The following UTRN variants were observed in gnomAD, a reference collection of about 807,000 sequenced individuals.
UTRN encodes the protein dystrophin-related protein 1.
In UTRN, 283 loss-of-function variants were observed where a neutral mutation model predicts 463.9. The observed-to-expected ratio is 0.61, with a 90% CI of 0.55 to 0.67. The LOEUF (loss-of-function observed/expected upper bound fraction) is 0.67. Ranked by LOEUF, UTRN falls within the 30% of genes least tolerant of loss-of-function variation. UTRN has a pLI of 0.00. For missense variants in UTRN, 3,922 were observed against 4,084.3 expected (o/e 0.96, Z 1.08); for synonymous variants, 1,442 against 1,431.5 (o/e 1.01, Z -0.17).
chr6:144,335,119 AT>A (rs1187457260), intron 2 of UTRN, among the ~76,000 whole-genome samples: 2 of 152,182 alleles, frequency 1.3e-5, no homozygotes, highest in Non-Finnish European at 2.9e-5. Flanking sequence ...GCCATGTTTA[AT>A]TTATTTATAC....
chr6:144,626,656 T>G (rs1480727196), intron 51 of UTRN, among the ~76,000 whole-genome samples: 2 of 152,192 alleles, frequency 1.3e-5, no homozygotes, highest in Non-Finnish European at 2.9e-5. Context: ...TTTTTTCTTT[T>G]GAGACGGAGT....
At chr6:144,781,319 G>C (rs1476967935) in intron 60 of UTRN, among the ~76,000 whole-genome samples, 1 of 152,118 alleles carries the variant, frequency 6.6e-6, no homozygotes, top group African/African-American at 2.4e-5. Flanking sequence ...AGTAAACCAG[G>C]TTAGGGCCAG....
At chr6:144,384,715 A>G (rs944522850) in intron 2 of UTRN, among the ~76,000 whole-genome samples, 2 of 152,112 alleles carry the variant, frequency 1.3e-5, no homozygotes, top group Non-Finnish European at 2.9e-5. Flanking sequence ...ATGTTCATCC[A>G]TGTTGTAGCA....
intron 45 of UTRN, among the ~76,000 whole-genome samples, chr6:144,541,695 C>T (rs921914745): frequency 2.6e-5 from 4 of 152,140 alleles, no homozygotes; most frequent in African/African-American, 9.7e-5. Flanking sequence ...CCTTCTAACT[C>T]AAAGAGCTTA....
intron 51 of UTRN, among the ~76,000 whole-genome samples, chr6:144,648,163 T>C (rs1178914668): frequency 6.6e-6 from 1 of 152,216 alleles, no homozygotes; most frequent in Admixed American, 6.5e-5. Flanking sequence ...CACTGATGCG[T>C]CTTCTCCTTT....
At chr6:144,786,454 T>G (rs1011727671) in intron 61 of UTRN, among the ~76,000 whole-genome samples, 1 of 152,036 alleles carries the variant, frequency 6.6e-6, no homozygotes, top group African/African-American at 2.4e-5. Context: ...CCCAGCTAAT[T>G]TTTGTATGTT....
intron 39 of UTRN, among the ~76,000 whole-genome samples, chr6:144,517,866 C>T (rs973703472): frequency 1.3e-5 from 2 of 152,152 alleles, no homozygotes; most frequent in Non-Finnish European, 2.9e-5. Context: ...CCTAGAGACA[C>T]ATTTCTCAGA....
intron 27 of UTRN, among the ~76,000 whole-genome samples, chr6:144,483,004 T>C (rs1792053307): frequency 6.6e-6 from 1 of 152,252 alleles, no homozygotes; most frequent in Non-Finnish European, 1.5e-5. Flanking sequence ...GTATGACTTT[T>C]GTTATTGCTT....
chr6:144,422,074 G>C (rs1331682076), intron 4 of UTRN, 104 bp downstream of exon 4: 1 of 869,590 alleles, frequency 1.1e-6, no homozygotes, highest in Non-Finnish European at 1.7e-6. Context: ...TTTACTTTAC[G>C]TTCAAATGTA....
At chr6:144,606,413 G>A (rs371840510) in intron 51 of UTRN, among the ~76,000 whole-genome samples, 2 of 152,276 alleles carry the variant, frequency 1.3e-5, no homozygotes, top group South Asian at 2.1e-4. Context: ...ACAGGAAAAA[G>A]CAATCATTAA....
chr6:144,622,763 A>G (rs1242806546), intron 51 of UTRN, among the ~76,000 whole-genome samples: 1 of 152,216 alleles, frequency 6.6e-6, no homozygotes, highest in Non-Finnish European at 1.5e-5. Context: ...TTTTCTCACA[A>G]AGAGGAAATT....
rs1195973193 is a variant in UTRN, at chr6:144,730,378, G to A, written c.7831G>A (p.Glu2611Lys). 2 of 1,606,706 alleles carry A rather than the reference G, an allele frequency of 1.2e-6. No individual in the cohort carries two copies. The highest frequency in any genetic ancestry group is 1.7e-6 in the Non-Finnish European group (2 of 1,176,328). Residue 2611 changes from glutamate to lysine, a missense_variant, in exon 54 of 75, where the codon GAG becomes AAG. Glu to Lys is a moderately conservative substitution (Grantham distance 56). Around this residue, in one of 3 missense-constraint regions of UTRN, gnomAD observed 1,309 missense variants for 1,452.6 expected, o/e 0.90. Transcript: ENST00000367545. Reference sequence around the variant, plus strand: ...AAAGGCCCTGAGACGGGAGTTAAAGGAGAAAGAATATTCTGTCCTGAATGC... The same window carrying A: ...AAAGGCCCTGAGACGGGAGTTAAAGAAGAAAGAATATTCTGTCCTGAATGC... ...HCKALRRELKEKEYSVLNAVD... is the reference protein window; with the variant it reads ...HCKALRRELKKKEYSVLNAVD...
intron 2 of UTRN, among the ~76,000 whole-genome samples, chr6:144,384,300 C>T (rs557946882): frequency 1.3e-5 from 2 of 152,236 alleles, no homozygotes; most frequent in East Asian, 1.9e-4. Flanking sequence ...CGAGCATTAC[C>T]TCCTGAGCTC....
rs1360632430 is a variant in UTRN at position 144,428,911 on chromosome 6, A to G, written c.694+18A>G. The G allele has an allele frequency of 4.6e-6, 7 of 1,513,754 alleles. No individual in the cohort carries two copies. The South Asian group carries it at 8.4e-5, about 18-fold the overall frequency. The allele number at this position is 1,513,754 out of a possible 1,614,324, so 93.8% of individuals were successfully genotyped here. ...TCCTGAAGGTATTGTCCAGTATTTA[A>G]TTTCCACCTTGATTTTGCTTTACAG... On this transcript the variant is annotated intron_variant, in intron 8 of 74. Coordinates refer to ENST00000367545, the MANE Select transcript of UTRN (RefSeq NM_007124.3).
chr6:144,405,900 A>G (rs770949278), intron 3 of UTRN, among the ~76,000 whole-genome samples: 8 of 152,176 alleles, frequency 5.3e-5, no homozygotes, highest in Admixed American at 2.6e-4. Flanking sequence ...TGGGCAAAAA[A>G]CTAGTGGGTG....
chr6:144,668,193 C>T (rs1345274923), intron 51 of UTRN, among the ~76,000 whole-genome samples: 3 of 152,156 alleles, frequency 2.0e-5, no homozygotes, highest in African/African-American at 7.2e-5. Context: ...GCTGCCAATT[C>T]ACCTCATGTA....
In UTRN at chr6:144,625,930, A is replaced by T. The variant is rs9497024; in HGVS notation, c.7479+48642A>T. ...ATAAAGCCTTGTTCTAAGCTTGAAA[A>T]GAAGGAAAAAAAATCAGTTTCTGGC... is the stretch of plus-strand genomic sequence containing the variant. On this transcript the variant is annotated intron_variant, in intron 51 of 74. Transcript: ENST00000367545. Among the ~76,000 whole-genome samples, 1,061 of 152,308 alleles carry T rather than the reference A, an allele frequency of 7.0e-3. 13 individuals are homozygous for T. The highest frequency in any genetic ancestry group is 0.025 in the African/African-American group (1,024 of 41,544).
At chr6:144,521,157 A>G (rs1016964306) in intron 39 of UTRN, among the ~76,000 whole-genome samples, 4 of 152,096 alleles carry the variant, frequency 2.6e-5, no homozygotes, top group Admixed American at 2.6e-4. Context: ...ATGATGGTGC[A>G]TGCTTGTAAT....
intron 3 of UTRN, among the ~76,000 whole-genome samples, chr6:144,418,132 A>G (rs938707060): frequency 2.6e-5 from 4 of 152,106 alleles, no homozygotes; most frequent in African/African-American, 7.2e-5. Flanking sequence ...CCAAAATTCT[A>G]TGGCCAATAA....
Sources: allele counts gnomAD v4.1 joint callset (sites outside exome capture counted in the v4.1 genomes callset), GRCh38; gene constraint gnomAD v4.1.1; regional missense constraint gnomAD v4.1.1; transcripts MANE v1.5; gene names NCBI Gene and HGNC (gene_info 2026-07-23, HGNC 2026-07-21).